Variants in SLC1A4 observed in about 807,000 individuals in gnomAD.
SLC1A4 encodes neutral amino acid transporter A.
In SLC1A4, 19 loss-of-function variants were observed where a neutral mutation model predicts 37.7. The observed-to-expected ratio is 0.50, with a 90% CI of 0.35 to 0.74. The LOEUF (loss-of-function observed/expected upper bound fraction) is 0.74, where lower values mean the gene tolerates loss of function less well. SLC1A4 is among the 30% of genes least tolerant of loss of function. The probability of loss-of-function intolerance (pLI) is 0.01; values close to 1 mark genes in which losing one functional copy is unlikely to be tolerated. For synonymous variants in SLC1A4, 299 were observed against 309.8 expected (o/e 0.97, Z 0.37); for missense variants, 570 against 712.9 (o/e 0.80, Z 2.28).
At chr2:65,015,191 T>C (rs1482620875) in intron 4 of SLC1A4, among the ~76,000 whole-genome samples, 7 of 152,208 alleles carry the variant, frequency 4.6e-5, no homozygotes, top group Non-Finnish European at 8.8e-5. Flanking sequence ...AAGTAGGCTG[T>C]TATGTTTAAT....
intron 4 of SLC1A4, among the ~76,000 whole-genome samples, chr2:65,015,575 A>G (rs1674091155): frequency 6.6e-6 from 1 of 152,194 alleles, no homozygotes. Context: ...TTCATGTATT[A>G]CTATCGGGTT....
In SLC1A4 at chr2:65,016,563, T is replaced by C. The variant is rs1674145107; in HGVS notation, c.924T>C (p.His308=). The change falls in exon 5 of 8, where the codon CAT becomes CAC. Residue 308 remains histidine, a synonymous_variant. Coordinates refer to ENST00000234256, the MANE Select transcript of SLC1A4 (RefSeq NM_003038.5). Reference sequence around the variant, plus strand: ...CATCTATATTGGGCCATGTTATTCATGGAGGAATTGTTCTGCCACTTATTT... The same window carrying C: ...CATCTATATTGGGCCATGTTATTCACGGAGGAATTGTTCTGCCACTTATTT... The part of the protein sequence containing the change: ...IFASILGHVI[H]GGIVLPLIYF... 1 of 1,614,232 alleles carries C rather than the reference T, an allele frequency of 6.2e-7. No individual in the cohort carries two copies. Among genetic ancestry groups the C allele is most frequent in the Non-Finnish European group, 8.5e-7 (1 of 1,180,022 alleles).
chr2:65,017,907 G>C (rs921738483), intron 5 of SLC1A4, among the ~76,000 whole-genome samples, 164 bp from the exon 6 acceptor site: 3 of 152,186 alleles, frequency 2.0e-5, no homozygotes, highest in African/African-American at 7.2e-5. Flanking sequence ...GCCTCATGTT[G>C]TGACAGAAGT....
At chr2:65,009,329 C>T (rs889049800) in intron 3 of SLC1A4, among the ~76,000 whole-genome samples, 1 of 151,656 alleles carries the variant, frequency 6.6e-6, no homozygotes, top group Non-Finnish European at 1.5e-5. Flanking sequence ...GCTGAGATCA[C>T]CCCATTGCAC....
At chr2:64,993,550 G>T (rs948661150) in intron 1 of SLC1A4, among the ~76,000 whole-genome samples, 2 of 152,180 alleles carry the variant, frequency 1.3e-5, no homozygotes, top group Non-Finnish European at 2.9e-5. Flanking sequence ...GAGCAGCCCG[G>T]AGTTCTGTGC....
At chr2:65,008,060 A>G (rs1233405712) in intron 3 of SLC1A4, among the ~76,000 whole-genome samples, 3 of 152,138 alleles carry the variant, frequency 2.0e-5, no homozygotes, top group Admixed American at 6.5e-5. Flanking sequence ...GCTCCCACAT[A>G]TGAGAACATG....
At chr2:64,989,014 C>T (rs1478839450), upstream of SLC1A4, among the ~76,000 whole-genome samples, 1 of 152,130 alleles carries the variant, frequency 6.6e-6, no homozygotes, top group Non-Finnish European at 1.5e-5. Context: ...CCTCTGGCCC[C>T]GAGGACTCAG....
At chr2:64,998,120 C>G (rs1300367442) in intron 1 of SLC1A4, among the ~76,000 whole-genome samples, 4 of 152,048 alleles carry the variant, frequency 2.6e-5, no homozygotes, top group African/African-American at 9.7e-5. Context: ...GCCTGTAGTC[C>G]CAGCTACTCG....
At chr2:65,003,841 A>C (rs1178770147) in intron 2 of SLC1A4, 112 bp from the exon 3 acceptor site, 5 of 759,976 alleles carry the variant, frequency 6.6e-6, no homozygotes, top group Non-Finnish European at 1.1e-5. Context: ...TGCCCAGGAC[A>C]CTCAGTGTGA....
At chr2:65,007,479 C>T (rs7583682) in intron 3 of SLC1A4, among the ~76,000 whole-genome samples, 136,355 of 152,188 alleles carry the variant, frequency 0.9, 61,191 homozygotes, top group East Asian at 0.97. Context: ...AATGCTAAGT[C>T]TGCCTAGGTG....
In SLC1A4 at chr2:65,018,698, G is replaced by A. The variant is rs1170730050; in HGVS notation, c.1364+19G>A. 1 of 1,613,662 alleles carries A rather than the reference G, an allele frequency of 6.2e-7. No homozygotes were observed. The highest frequency in any genetic ancestry group is 1.1e-5 in the South Asian group (1 of 91,058). On this transcript the variant is annotated intron_variant, in intron 7 of 7. Transcript: ENST00000234256. This position sits in a 1 kb window ranked among gnomAD's most constrained non-coding sequence, Gnocchi z 4.3. ...GGATTGTGTAAGTAACAAGTCCTGAGAACACCAAAAAGAGTCTGCACTGAG... is the reference window on the plus strand; with the variant it reads ...GGATTGTGTAAGTAACAAGTCCTGAAAACACCAAAAAGAGTCTGCACTGAG...
At chr2:65,009,027 A>G (rs1673797269) in intron 3 of SLC1A4, among the ~76,000 whole-genome samples, 2 of 152,084 alleles carry the variant, frequency 1.3e-5, no homozygotes, top group African/African-American at 4.8e-5. Context: ...ACATAAACAA[A>G]AGCGCCCTAT....
At chr2:65,000,068 C>T (rs1673402695) in intron 1 of SLC1A4, 1 of 152,144 alleles carries the variant, frequency 6.6e-6, no homozygotes, top group South Asian at 2.1e-4. Flanking sequence ...TGGTGAGCAA[C>T]CCAGCTTCTT....
chr2:65,000,251 C>G (rs1042819218), intron 1 of SLC1A4: 2 of 152,198 alleles, frequency 1.3e-5, no homozygotes, highest in African/African-American at 4.8e-5. Flanking sequence ...CTCAGTAAAA[C>G]TATTTGCATG....
rs1673623634 is a variant in SLC1A4, at chr2:65,005,063, T to C, written c.633+1048T>C. Among the ~76,000 whole-genome samples, 2 of 152,270 alleles carry C rather than the reference T, an allele frequency of 1.3e-5. 1 individual carries two copies. Among genetic ancestry groups the C allele is most frequent in the South Asian group, 4.1e-4 (2 of 4,836 alleles). Reference sequence around the variant, plus strand: ...CTTCCTTCAGTTTACATCCACTTGATATTCTTGGAAAATCCAGTGAATACT... The same window carrying C: ...CTTCCTTCAGTTTACATCCACTTGACATTCTTGGAAAATCCAGTGAATACT... On this transcript the variant is annotated intron_variant, in intron 3 of 7. Coordinates refer to ENST00000234256, the MANE Select transcript of SLC1A4 (RefSeq NM_003038.5).
At chr2:65,019,038 G>A (rs1481382381) in intron 7 of SLC1A4, among the ~76,000 whole-genome samples, 1 of 152,218 alleles carries the variant, frequency 6.6e-6, no homozygotes, top group Non-Finnish European at 1.5e-5. Flanking sequence ...GATCCTTTGG[G>A]AATGATTGTC....
Position 65,016,468 on chromosome 2 carries a change from G to C in SLC1A4, c.829G>C (p.Val277Leu). 2 of 1,614,180 alleles carry C rather than the reference G, an allele frequency of 1.2e-6. No individual in the cohort carries two copies. Among genetic ancestry groups the C allele is most frequent in the Non-Finnish European group, 1.7e-6 (2 of 1,180,032 alleles). ...CGTACCTGTGGGCATCATGTTCCTT[G>C]TTGGAAGCAAGATCGTGGAAATGAA... ...WYVPVGIMFLVGSKIVEMKDI... is the reference protein window; with the variant it reads ...WYVPVGIMFLLGSKIVEMKDI... Residue 277 changes from valine (V) to leucine (L), a missense_variant, in exon 5 of 8, where the codon GTT (valine) becomes CTT (leucine). Transcript: ENST00000234256.
In SLC1A4 at chr2:64,990,030, G is replaced by A. The variant is rs754192460; in HGVS notation, c.387G>A (p.Ser129=). The A allele has an allele frequency of 4.4e-6, 7 of 1,603,496 alleles. No homozygotes were observed. The African/African-American group carries it at 8.0e-5, about 18-fold the overall frequency. ...AYFGLTTLSA[S]ALAVALAFII... The stretch of plus-strand genomic sequence containing the variant: ...TTGGCCTCACCACACTGAGTGCCTC[G>A]GCGCTCGCCGTGGCCTTGGCGTTCA... The change falls in exon 1 of 8, where the codon TCG becomes TCA. Residue 129 remains serine (S), a synonymous_variant. Transcript: ENST00000234256.
At chr2:65,000,923 C>T (rs1673431026) in intron 1 of SLC1A4, 1 of 152,394 alleles carries the variant, frequency 6.6e-6, no homozygotes, top group African/African-American at 2.4e-5. Flanking sequence ...ACAAAAACGC[C>T]CTTGGATTTC....
Sources: gnomAD v4.1 joint callset for allele counts (sites outside exome capture counted in the v4.1 genomes callset) on GRCh38, gnomAD v4.1.1 for gene constraint, Gnocchi (gnomAD v3.1) non-coding constraint, MANE v1.5 for transcripts, NCBI Gene and HGNC (gene_info 2026-07-23, HGNC 2026-07-21) for gene names.